The following SERTAD4 variants were observed in gnomAD, a reference collection of about 807,000 sequenced individuals.
SERTAD4 encodes SERTA domain containing 4, also known as SERTA domain-containing protein 4.
In SERTAD4, 18 loss-of-function variants were observed where a neutral mutation model predicts 32.9. The ratio of observed to expected loss-of-function variants is 0.55; its 90% CI spans 0.38 to 0.81. The LOEUF (loss-of-function observed/expected upper bound fraction) is 0.81. Ranked by LOEUF, SERTAD4 falls within the 30% of genes least tolerant of loss-of-function variation. The pLI is 0.00. For synonymous variants in SERTAD4, 150 were observed against 156.4 expected, an observed-to-expected ratio of 0.96 and a Z score of 0.30; for missense variants, 383 against 426.0, an observed-to-expected ratio of 0.90 and a Z score of 0.89.
chr1:210,244,110 T>G lies in SERTAD4; in HGVS notation c.*1773T>G, dbSNP rs960819361. ...AGATGATAAAAATTCATTAAGTTTT[T>G]TAAATTTTAATGGCTATTGGCTATG... is the stretch of plus-strand genomic sequence containing the variant. On this transcript the variant is annotated 3_prime_UTR_variant, in exon 4 of 4. Coordinates refer to ENST00000367012, the MANE Select transcript of SERTAD4 (RefSeq NM_019605.5). 2 of 152,196 alleles carry G rather than the reference T, an allele frequency of 1.3e-5. No individual in the cohort carries two copies. Among genetic ancestry groups the G allele is most frequent in the Non-Finnish European group, 2.9e-5 (2 of 68,032 alleles). The allele number at this position is 152,196 out of a possible 1,614,324, so 9.4% of individuals were successfully genotyped here.
chr1:210,245,990 A>G lies in SERTAD4; in HGVS notation c.*3653A>G. The G allele has an allele frequency of 1.1e-6, 1 of 929,492 alleles. No individual in the cohort carries two copies. Among genetic ancestry groups the G allele is most frequent in the South Asian group, 5.0e-5 (1 of 20,108 alleles). 57.6% of individuals were successfully genotyped at this position (929,492 alleles called of 1,614,324 possible). A position where few individuals can be genotyped will look rare whatever the true frequency, so the allele number is the denominator to read the frequency against. ...AATTCCATTTTTCTGACAGCCCCTT[A>G]AATTTGAAGTTATTTCATTTGTAGT... On this transcript the variant is annotated 3_prime_UTR_variant, in exon 4 of 4. Transcript: ENST00000367012.
intron 1 of SERTAD4, among the ~76,000 whole-genome samples, chr1:210,234,476 G>A (rs2083921069): frequency 6.6e-6 from 1 of 152,302 alleles, no homozygotes; most frequent in East Asian, 1.9e-4. Flanking sequence ...GCAGAAAAGC[G>A]ACATCTGTTT....
intron 1 of SERTAD4, among the ~76,000 whole-genome samples, chr1:210,233,291 G>T (rs972083053): frequency 6.6e-6 from 1 of 152,040 alleles, no homozygotes; most frequent in South Asian, 2.1e-4. Context: ...GGGAACCGCC[G>T]CCTCCTCTAG....
intron 1 of SERTAD4, among the ~76,000 whole-genome samples, chr1:210,237,019 CCATCTCCCTGCAGGCCCA>C (rs1433833687): frequency 2.0e-5 from 3 of 152,208 alleles, no homozygotes; most frequent in South Asian, 2.1e-4. Context: ...AGAGAAGCTC[CCATCTCCCTGCAGGCCCA>C]AGGGAGAAGG....
At chr1:210,233,351 T>G (rs956232639) in intron 1 of SERTAD4, among the ~76,000 whole-genome samples, 9 of 149,090 alleles carry the variant, frequency 6.0e-5, no homozygotes, top group African/African-American at 2.0e-4. Context: ...CAGGGGCGGG[T>G]GGGGTCAGAA....
rs1436565873 is a variant in SERTAD4 at position 210,246,193 on chromosome 1, A to G, written c.*3856A>G. 1 of 153,040 alleles carries G rather than the reference A, an allele frequency of 6.5e-6. No individual in the cohort carries two copies. Among genetic ancestry groups the G allele is most frequent in the African/African-American group, 2.4e-5 (1 of 41,476 alleles). 9.5% of individuals were successfully genotyped at this position (153,040 alleles called of 1,614,324 possible). On this transcript the variant is annotated 3_prime_UTR_variant, in exon 4 of 4. Transcript: ENST00000367012. ...ATGGTTTATAGTGATTCATTTTAAG[A>G]TTGCTGTATTTTGATTTTGTGGTTT...
At position 210,243,951 on chromosome 1, in the gene SERTAD4, G is replaced by A; in HGVS notation, c.*1614G>A. The stretch of plus-strand genomic sequence containing the variant: ...TTTTAAAACATTTTCTTGTGTTATA[G>A]TTAAATAGTCTAGTAATGTTTTGTC... On this transcript the variant is annotated 3_prime_UTR_variant, in exon 4 of 4. Transcript: ENST00000367012. The A allele has an allele frequency of 6.6e-6, 1 of 152,170 alleles. No individual in the cohort carries two copies. The highest frequency in any genetic ancestry group is 1.9e-4 in the East Asian group (1 of 5,202). 9.4% of individuals were successfully genotyped at this position (152,170 alleles called of 1,614,324 possible). A position where few individuals can be genotyped will look rare whatever the true frequency, so the allele number is the denominator to read the frequency against.
intron 1 of SERTAD4, among the ~76,000 whole-genome samples, chr1:210,236,183 CAA>C (rs1195015120): frequency 1.3e-5 from 2 of 152,128 alleles, no homozygotes; most frequent in African/African-American, 4.8e-5. Flanking sequence ...GTTGATGACT[CAA>C]AGAGAAAAAT....
At position 210,244,538 on chromosome 1, in the gene SERTAD4, C is replaced by T. The variant is rs542833098; in HGVS notation, c.*2201C>T. ...TTCCATACAATTCCATATTAATGTT[C>T]TTAGGAGCTAATATTTGATAAAGGG... On this transcript the variant is annotated 3_prime_UTR_variant, in exon 4 of 4. Transcript: ENST00000367012. 30 of 152,258 alleles carry T rather than the reference C, an allele frequency of 2.0e-4. No individual in the cohort carries two copies. Among genetic ancestry groups the T allele is most frequent in the African/African-American group, 7.2e-4 (30 of 41,538 alleles). The allele number at this position is 152,258 out of a possible 1,614,324, so 9.4% of individuals were successfully genotyped here.
intron 1 of SERTAD4, chr1:210,237,259 C>G (rs1193544251): frequency 2.0e-5 from 3 of 152,226 alleles, no homozygotes; most frequent in Admixed American, 6.5e-5. Flanking sequence ...GTCTTCATCT[C>G]GCAGTGTTTT....
At chr1:210,233,394 G>A (rs974205461) in intron 1 of SERTAD4, among the ~76,000 whole-genome samples, 1 of 152,172 alleles carries the variant, frequency 6.6e-6, no homozygotes, top group Non-Finnish European at 1.5e-5. Flanking sequence ...CTCCGTGGCC[G>A]CTTAGTCCCT....
Position 210,243,017 on chromosome 1 carries a change from T to C in SERTAD4, c.*680T>C. Reference sequence around the variant, plus strand: ...GTTATACAGGGCGATTTTTGGTGCCTTACTTTTATCTTAATTTTTGCCAAT... The same window carrying C: ...GTTATACAGGGCGATTTTTGGTGCCCTACTTTTATCTTAATTTTTGCCAAT... On this transcript the variant is annotated 3_prime_UTR_variant, in exon 4 of 4. Coordinates refer to ENST00000367012, the MANE Select transcript of SERTAD4 (RefSeq NM_019605.5). 2.0e-6 allele frequency: 2 copies of C among 982,242 alleles called. No individual in the cohort carries two copies. Among genetic ancestry groups the C allele is most frequent in the Non-Finnish European group, 2.4e-6 (2 of 829,392 alleles). The allele number at this position is 982,242 out of a possible 1,614,324, so 60.8% of individuals were successfully genotyped here. A position where few individuals can be genotyped will look rare whatever the true frequency, so the allele number is the denominator to read the frequency against.
At chr1:210,237,037 A>G (rs1466214129) in intron 1 of SERTAD4, among the ~76,000 whole-genome samples, 1 of 152,182 alleles carries the variant, frequency 6.6e-6, no homozygotes, top group Non-Finnish European at 1.5e-5. Flanking sequence ...CTGCAGGCCC[A>G]AGGGAGAAGG....
chr1:210,241,864 C>G lies in SERTAD4; in HGVS notation c.598C>G (p.Leu200Val). Residue 200 changes from leucine to valine, a missense_variant, in exon 4 of 4, where the codon CTA (leucine) becomes GTA (valine). Coordinates refer to ENST00000367012, the MANE Select transcript of SERTAD4 (RefSeq NM_019605.5). ...TTACCAAGAATGTGGTGGCCACTAC[C>G]TAAATTTACCCCTTTCTGTCAATGC... ...CFYQECGGHY[L>V]NLPLSVNANV... The G allele has an allele frequency of 6.2e-7, 1 of 1,614,122 alleles. No homozygotes were observed. Among genetic ancestry groups the G allele is most frequent in the Non-Finnish European group, 8.5e-7 (1 of 1,180,016 alleles).
chr1:210,237,201 G>A (rs1002558608), intron 1 of SERTAD4: 17 of 152,296 alleles, frequency 1.1e-4, no homozygotes, highest in African/African-American at 4.1e-4. Context: ...GTTGTGCTTG[G>A]CTCCTGTGGG....
Position 210,243,180 on chromosome 1 carries a change from T to A in SERTAD4, c.*843T>A. 1.0e-6 allele frequency: 1 copy of A among 952,592 alleles called. No homozygotes were observed. Among genetic ancestry groups the A allele is most frequent in the South Asian group, 4.9e-5 (1 of 20,558 alleles). The allele number at this position is 952,592 out of a possible 1,614,324, so 59.0% of individuals were successfully genotyped here. A position where few individuals can be genotyped will look rare whatever the true frequency, so the allele number is the denominator to read the frequency against. ...TGAACTATTGTGTTCAGCTTTTGATTCGACATCTCTATTCTTTATTTTTGA... is the reference window on the plus strand; with the variant it reads ...TGAACTATTGTGTTCAGCTTTTGATACGACATCTCTATTCTTTATTTTTGA... On this transcript the variant is annotated 3_prime_UTR_variant, in exon 4 of 4. Transcript: ENST00000367012.
intron 1 of SERTAD4, among the ~76,000 whole-genome samples, chr1:210,236,212 C>T (rs2083939168): frequency 6.6e-6 from 1 of 152,192 alleles, no homozygotes; most frequent in Non-Finnish European, 1.5e-5. Flanking sequence ...CATGTCCCAT[C>T]GTTTCTTTGT....
chr1:210,233,926 G>T lies in SERTAD4; in HGVS notation c.-18+915G>T, dbSNP rs1256271889. On this transcript the variant is annotated intron_variant, in intron 1 of 3. Coordinates refer to ENST00000367012, the MANE Select transcript of SERTAD4 (RefSeq NM_019605.5). Reference sequence around the variant, plus strand: ...CCCCGCCAGAGCCCTGCCAGCCGCTGTGAGTCATTTCCTTGGAATCCTACC... The same window carrying T: ...CCCCGCCAGAGCCCTGCCAGCCGCTTTGAGTCATTTCCTTGGAATCCTACC... 4 of 430,064 alleles carry T rather than the reference G, an allele frequency of 9.3e-6. No individual in the cohort carries two copies. The Admixed American group carries it at 9.7e-5, about 10-fold the overall frequency. The allele number at this position is 430,064 out of a possible 1,614,324, so 26.6% of individuals were successfully genotyped here.
chr1:210,233,542 C>CCTT (rs2083906966), intron 1 of SERTAD4: 8 of 390,262 alleles, frequency 2.0e-5, no homozygotes, highest in South Asian at 1.5e-4. Flanking sequence ...GTAGCTGACA[C>CCTT]CTTCTGTCCC....
Sources: gnomAD v4.1 joint callset for allele counts (sites outside exome capture counted in the v4.1 genomes callset) on GRCh38, gnomAD v4.1.1 for gene constraint, MANE v1.5 for transcripts, NCBI Gene and HGNC (gene_info 2026-07-23, HGNC 2026-07-21) for gene names.